TBC1D32: variants seen among roughly 807,000 people sequenced by gnomAD.
TBC1D32 encodes the protein protein broad-minded.
A neutral mutation model predicts 170.3 loss-of-function variants in TBC1D32; 151 were observed. The ratio of observed to expected loss-of-function variants is 0.89; its 90% CI spans 0.78 to 1.01. The LOEUF (loss-of-function observed/expected upper bound fraction) is 1.01, where lower values mean the gene tolerates loss of function less well. Ranked by LOEUF, TBC1D32 falls within the 50% of genes least tolerant of loss-of-function variation. The pLI, the probability that TBC1D32 is intolerant of heterozygous loss-of-function variation, is 0.00. For synonymous variants in TBC1D32, 498 were observed against 488.0 expected (o/e 1.02, Z -0.27); for missense variants, 1,464 against 1,457.1 (o/e 1.00, Z -0.08).
At chr6:121,270,433 C>A (rs1327146826) in intron 15 of TBC1D32, among the ~76,000 whole-genome samples, 1 of 152,050 alleles carries the variant, frequency 6.6e-6, no homozygotes, top group Non-Finnish European at 1.5e-5. Context: ...GGGTATATCA[C>A]CACCAATCCC....
At chr6:121,208,762 A>C (rs1006988106) in intron 21 of TBC1D32, among the ~76,000 whole-genome samples, 5 of 145,722 alleles carry the variant, frequency 3.4e-5, no homozygotes, top group African/African-American at 4.9e-5. Context: ...AATTAAACCA[A>C]AGGATTCTTC....
intron 21 of TBC1D32, among the ~76,000 whole-genome samples, chr6:121,213,466 T>C (rs1240161662): frequency 8.1e-5 from 2 of 24,766 alleles, no homozygotes; most frequent in Non-Finnish European, 2.3e-4. Context: ...ACAAAAATAA[T>C]AATAAAATAA....
chr6:121,171,429 C>T (rs764814651), intron 22 of TBC1D32, among the ~76,000 whole-genome samples: 3 of 150,372 alleles, frequency 2.0e-5, no homozygotes, highest in Non-Finnish European at 3.0e-5. Context: ...GGCAGTAATA[C>T]GAGATGAGAT....
chr6:121,120,069 A>G (rs1302852699), intron 26 of TBC1D32, among the ~76,000 whole-genome samples: 4 of 152,156 alleles, frequency 2.6e-5, no homozygotes, highest in Admixed American at 1.3e-4. Flanking sequence ...ATAAAGGATG[A>G]GAATACCTAA....
At chr6:121,287,897 C>T (rs1448360282) in intron 12 of TBC1D32, among the ~76,000 whole-genome samples, 4 of 152,058 alleles carry the variant, frequency 2.6e-5, no homozygotes, top group East Asian at 1.9e-4. Flanking sequence ...TGCTCCTGAA[C>T]GACTACTGGG....
rs374617355 is a variant in TBC1D32 at position 121,119,227 on chromosome 6, T to C, written c.2984-3986A>G. Among the ~76,000 whole-genome samples the C allele has an allele frequency of 3.9e-5, 6 of 152,302 alleles. No homozygotes were observed. The East Asian group carries it at 1.2e-3, about 29-fold the overall frequency. On this transcript the variant is annotated intron_variant, in intron 26 of 31. Transcript: ENST00000398212. Reference sequence around the variant, plus strand: ...CCAAGTAGCCAGCTGAAAAACTGTTTCTTTTATTTTCTACCTTACTATATG... The same window carrying C: ...CCAAGTAGCCAGCTGAAAAACTGTTCCTTTTATTTTCTACCTTACTATATG...
chr6:121,094,397 C>A (rs963719543), intron 30 of TBC1D32, among the ~76,000 whole-genome samples: 1 of 151,944 alleles, frequency 6.6e-6, no homozygotes, highest in East Asian at 1.9e-4. Context: ...AAACTCCTGA[C>A]CTCAAGTGAT....
intron 27 of TBC1D32, 57 bp downstream of exon 27, chr6:121,115,115 G>C (rs1277297221): frequency 1.5e-6 from 2 of 1,352,908 alleles, no homozygotes; most frequent in Non-Finnish European, 2.0e-6. Context: ...GAGCACATAT[G>C]AGGCAGATAA....
intron 11 of TBC1D32, among the ~76,000 whole-genome samples, chr6:121,292,608 A>G (rs986822174): frequency 6.6e-6 from 1 of 152,206 alleles, no homozygotes; most frequent in Non-Finnish European, 1.5e-5. Context: ...GTGAAATTAG[A>G]ATCTCTACAA....
At chr6:121,150,991 G>A (rs900535530) in intron 24 of TBC1D32, among the ~76,000 whole-genome samples, 1 of 151,996 alleles carries the variant, frequency 6.6e-6, no homozygotes, top group Non-Finnish European at 1.5e-5. Flanking sequence ...GGTCTTTTCT[G>A]TCTCTATCTC....
intron 10 of TBC1D32, among the ~76,000 whole-genome samples, chr6:121,296,700 C>T (rs899496331): frequency 6.6e-6 from 1 of 152,030 alleles, no homozygotes; most frequent in African/African-American, 2.4e-5. Context: ...TCTTAAACAT[C>T]GTTTTGCTTC....
At chr6:121,329,665 T>C (rs1289142889) in intron 1 of TBC1D32, among the ~76,000 whole-genome samples, 2 of 151,454 alleles carry the variant, frequency 1.3e-5, no homozygotes, top group African/African-American at 4.9e-5. Flanking sequence ...AAAAAATAAA[T>C]AAATAAAATA....
intron 21 of TBC1D32, among the ~76,000 whole-genome samples, chr6:121,218,062 T>C (rs575366116): frequency 6.6e-6 from 1 of 152,170 alleles, no homozygotes; most frequent in African/African-American, 2.4e-5. Context: ...CATTGTCTGG[T>C]AGGGTTCTAA....
intron 24 of TBC1D32, among the ~76,000 whole-genome samples, chr6:121,138,879 C>G (rs1040255382): frequency 1.3e-5 from 2 of 149,748 alleles, no homozygotes; most frequent in African/African-American, 2.5e-5. Flanking sequence ...GAGTCTCGCT[C>G]TGTCGCCCAG....
At chr6:121,242,480 T>A (rs956736943) in intron 17 of TBC1D32, 141 bp from the exon 18 acceptor site, 2 of 674,006 alleles carry the variant, frequency 3.0e-6, no homozygotes, top group Non-Finnish European at 4.7e-6. Context: ...AATAAAGGTT[T>A]AAAATTAAAT....
intron 25 of TBC1D32, chr6:121,129,885 G>A (rs1439495659): frequency 1.3e-5 from 6 of 450,756 alleles, no homozygotes; most frequent in Non-Finnish European, 2.7e-5. Context: ...TTATACTCTC[G>A]ATGGTATCTC....
chr6:121,320,141 T>C (rs185656054), intron 2 of TBC1D32, among the ~76,000 whole-genome samples: 48 of 151,620 alleles, frequency 3.2e-4, no homozygotes, highest in African/African-American at 8.2e-4. Flanking sequence ...TTTATAACAA[T>C]TGAAATGCTG....
chr6:121,154,534 C>CA (rs1784630778), intron 24 of TBC1D32, among the ~76,000 whole-genome samples: 1 of 152,164 alleles, frequency 6.6e-6, no homozygotes, highest in African/African-American at 2.4e-5. Context: ...TTACCATATA[C>CA]AAAAATTAAC....
chr6:121,158,627 G>A (rs1402127361), intron 24 of TBC1D32, among the ~76,000 whole-genome samples: 1 of 152,074 alleles, frequency 6.6e-6, no homozygotes, highest in Admixed American at 6.6e-5. Flanking sequence ...TTAACTGTGA[G>A]GTAAGTTGAG....
Sources: allele counts gnomAD v4.1 joint callset (sites outside exome capture counted in the v4.1 genomes callset), GRCh38; gene constraint gnomAD v4.1.1; transcripts MANE v1.5; gene names NCBI Gene and HGNC (gene_info 2026-07-23, HGNC 2026-07-21).